Variants in RIOK1 observed in about 807,000 individuals in gnomAD.
RIOK1 encodes serine/threonine-protein kinase RIO1.
In RIOK1, 66 loss-of-function variants were observed where a neutral mutation model predicts 73.5. That is an observed-to-expected ratio of 0.90 (90% CI 0.74 to 1.10). RIOK1 has a LOEUF of 1.10. Ranked by LOEUF, RIOK1 falls within the 50% of genes least tolerant of loss-of-function variation. The probability of loss-of-function intolerance (pLI) is 0.00; values close to 1 mark genes in which losing one functional copy is unlikely to be tolerated. For synonymous variants in RIOK1, 224 were observed against 226.8 expected, an observed-to-expected ratio of 0.99 and a Z score of 0.11; for missense variants, 658 against 699.8, an observed-to-expected ratio of 0.94 and a Z score of 0.67.
chr6:7,396,248 AAC>A (rs1004664582), intron 3 of RIOK1, among the ~76,000 whole-genome samples: 33 of 152,320 alleles, frequency 2.2e-4, no homozygotes, highest in Middle Eastern at 6.8e-3. Context: ...CTCTAAACCT[AAC>A]ACAGTGTTTC....
At chr6:7,405,092 G>A (rs189411036) in intron 11 of RIOK1, 71 bp downstream of exon 11, 61 of 1,352,612 alleles carry the variant, frequency 4.5e-5, no homozygotes, top group Non-Finnish European at 5.8e-5. Context: ...TAAGCTGTTG[G>A]CGTAAAATTT....
intron 16 of RIOK1, among the ~76,000 whole-genome samples, chr6:7,416,431 G>A (rs536598262): frequency 2.0e-4 from 31 of 152,258 alleles, no homozygotes; most frequent in Admixed American, 1.6e-3. Flanking sequence ...GGTGGATCAC[G>A]AGGTCAGGAG....
chr6:7,404,315 A>G, intron 9 of RIOK1, 103 bp from the exon 10 acceptor site: 1 of 1,332,350 alleles, frequency 7.5e-7, no homozygotes, highest in Non-Finnish European at 1.0e-6. Flanking sequence ...TGTCCCACAT[A>G]CAGCTCACAT....
chr6:7,412,427 G>A (rs533330027), intron 14 of RIOK1, among the ~76,000 whole-genome samples: 1 of 151,808 alleles, frequency 6.6e-6, no homozygotes, highest in East Asian at 1.9e-4. Context: ...GGCCGAGGTG[G>A]GTGGATCACC....
At chr6:7,404,824 G>T in intron 10 of RIOK1, 94 bp from the exon 11 acceptor site, 1 of 1,104,154 alleles carries the variant, frequency 9.1e-7, no homozygotes. Context: ...GATTTTGTGA[G>T]CTACTTCCCT....
intron 12 of RIOK1, among the ~76,000 whole-genome samples, chr6:7,406,292 CGGCCT>C (rs766963335): frequency 1.5e-4 from 23 of 152,196 alleles, no homozygotes; most frequent in Admixed American, 2.6e-4. Context: ...CCACGACGCC[CGGCCT>C]CAGAGGCCTT....
intron 12 of RIOK1, among the ~76,000 whole-genome samples, chr6:7,407,574 T>G (rs1055506025): frequency 6.6e-6 from 1 of 152,068 alleles, no homozygotes; most frequent in Non-Finnish European, 1.5e-5. Context: ...AGTCTCAACC[T>G]TCTAGACTCA....
chr6:7,404,873 A>G, intron 10 of RIOK1, 45 bp from the exon 11 acceptor site: 1 of 1,479,530 alleles, frequency 6.8e-7, no homozygotes, highest in Non-Finnish European at 9.4e-7. Context: ...CGAAAAACAT[A>G]GTAAAGTAAT....
chr6:7,416,602 C>T (rs1449749752), intron 16 of RIOK1, among the ~76,000 whole-genome samples: 2 of 149,932 alleles, frequency 1.3e-5, no homozygotes, highest in Non-Finnish European at 3.0e-5. Flanking sequence ...GAGCCGAGAT[C>T]ACGCCACTGC....
At chr6:7,404,342 G>A in intron 9 of RIOK1, 76 bp from the exon 10 acceptor site, 3 of 1,513,364 alleles carry the variant, frequency 2.0e-6, no homozygotes, top group Non-Finnish European at 2.7e-6. Context: ...TTGTAGAAGA[G>A]AAGGGCATGT....
chr6:7,398,120 C>T (rs947546737), intron 4 of RIOK1, among the ~76,000 whole-genome samples: 17 of 152,062 alleles, frequency 1.1e-4, no homozygotes, highest in African/African-American at 3.1e-4. Flanking sequence ...CCAGCCTGGG[C>T]GACAGAGCGA....
chr6:7,412,083 G>T (rs1324562397), intron 14 of RIOK1, among the ~76,000 whole-genome samples: 2 of 152,206 alleles, frequency 1.3e-5, no homozygotes, highest in African/African-American at 4.8e-5. Context: ...CAGGTAGGCT[G>T]GGCGCAGTGG....
At chr6:7,404,582 T>G (rs1407883453) in intron 10 of RIOK1, 27 bp downstream of exon 10, 1 of 1,604,876 alleles carries the variant, frequency 6.2e-7, no homozygotes, top group Non-Finnish European at 8.5e-7. Context: ...TCTTAAGAAC[T>G]GCCTGTCAGT....
chr6:7,415,308 G>C (rs1366459302), intron 16 of RIOK1, among the ~76,000 whole-genome samples: 4 of 152,156 alleles, frequency 2.6e-5, no homozygotes, highest in Non-Finnish European at 5.9e-5. Flanking sequence ...GGAGGCTAAG[G>C]CAAGAGGATC....
chr6:7,411,857 C>T (rs1761892202), intron 14 of RIOK1, among the ~76,000 whole-genome samples: 1 of 152,068 alleles, frequency 6.6e-6, no homozygotes, highest in African/African-American at 2.4e-5. Context: ...TACGTAGGTC[C>T]TTATGTAACA....
intron 2 of RIOK1, 134 bp from the exon 3 acceptor site, chr6:7,394,919 G>A: frequency 7.2e-7 from 1 of 1,382,648 alleles, no homozygotes; most frequent in South Asian, 1.3e-5. Flanking sequence ...CAATTTGATT[G>A]ACTCTTACCT....
chr6:7,414,476 A>T, intron 16 of RIOK1, 86 bp downstream of exon 16: 1 of 1,237,518 alleles, frequency 8.1e-7, no homozygotes, highest in South Asian at 1.6e-5. Flanking sequence ...TAGCTAGATT[A>T]TGATGGCTGA....
intron 3 of RIOK1, among the ~76,000 whole-genome samples, chr6:7,396,492 T>A (rs947667630): frequency 6.6e-6 from 1 of 152,228 alleles, no homozygotes; most frequent in South Asian, 2.1e-4. Context: ...ATAGCTGTAG[T>A]GATGAAAGTG....
chr6:7,395,772 C>T (rs1269953504), intron 3 of RIOK1, among the ~76,000 whole-genome samples: 3 of 151,500 alleles, frequency 2.0e-5, no homozygotes, highest in African/African-American at 4.8e-5. Flanking sequence ...TGCAGTGGCA[C>T]GATCTTGGCT....
Sources: gnomAD v4.1 joint callset for allele counts (sites outside exome capture counted in the v4.1 genomes callset) on GRCh38, gnomAD v4.1.1 for gene constraint, MANE v1.5 for transcripts, NCBI Gene and HGNC (gene_info 2026-07-23, HGNC 2026-07-21) for gene names.